The following CYP11B1 variants were observed in gnomAD, a reference collection of about 807,000 sequenced individuals.
CYP11B1 encodes cytochrome P450 family 11 subfamily B member 1.
Under a neutral mutation model 48.3 loss-of-function variants are expected in CYP11B1, and 34 were observed. The ratio of observed to expected loss-of-function variants is 0.70; its 90% CI spans 0.54 to 0.94. The LOEUF (loss-of-function observed/expected upper bound fraction) is 0.94. Among genes scored for constraint, CYP11B1 ranks in the 40% least tolerant of loss-of-function variants. The probability of loss-of-function intolerance (pLI) is 0.00; values close to 1 mark genes in which losing one functional copy is unlikely to be tolerated. For synonymous variants in CYP11B1, 291 were observed against 262.5 expected (o/e 1.11, Z -1.05); for missense variants, 688 against 657.4 (o/e 1.05, Z -0.51).
At chr8:142,879,249 A>T (rs61751137) in intron 1 of CYP11B1, 62 bp from the exon 2 acceptor site, 5 of 1,611,984 alleles carry the variant, frequency 3.1e-6, no homozygotes, top group Non-Finnish European at 3.4e-6. Context: ...CCCACCCTGC[A>T]GTCCCAATCC....
intron 3 of CYP11B1, 68 bp downstream of exon 3, chr8:142,876,955 C>T: frequency 6.2e-7 from 1 of 1,612,524 alleles, no homozygotes; most frequent in Middle Eastern, 1.7e-4. Flanking sequence ...ACACTCCCTT[C>T]AGTCCCCCAT....
chr8:142,875,182 G>T, intron 7 of CYP11B1, 28 bp from the exon 8 acceptor site: 3 of 1,614,224 alleles, frequency 1.9e-6, no homozygotes, highest in Non-Finnish European at 2.5e-6. Context: ...CGGGGATCAG[G>T]GAATGACTGG....
At chr8:142,875,370 T>C in intron 6 of CYP11B1, 58 bp from the exon 7 acceptor site, 1 of 1,526,158 alleles carries the variant, frequency 6.6e-7, no homozygotes, top group Non-Finnish European at 8.9e-7. Flanking sequence ...TCCTGTGCTC[T>C]CTGCACCCTT....
In CYP11B1 at chr8:142,876,349, G is replaced by A. The variant is rs759428193; in HGVS notation, c.846C>T (p.Arg282=). 5 of 1,614,078 alleles carry A rather than the reference G, an allele frequency of 3.1e-6. No homozygotes were observed. The East Asian group carries it at 1.1e-4, about 36-fold the overall frequency. ...QKIYQELAFS[R]PQQYTSIVAE... Reference sequence around the variant, plus strand: ...CCACGATGCTGGTGTACTGTTGAGGGCGGCTGAAGGCCAGTTCCTGATAGA... The same window carrying A: ...CCACGATGCTGGTGTACTGTTGAGGACGGCTGAAGGCCAGTTCCTGATAGA... The change falls in exon 5 of 9, where the codon CGC becomes CGT. Residue 282 remains arginine, a synonymous_variant. Coordinates refer to ENST00000292427, the MANE Select transcript of CYP11B1 (RefSeq NM_000497.4).
Position 142,874,180 on chromosome 8 carries a change from T to G in CYP11B1, c.*193A>C, listed in dbSNP as rs61752798. On this transcript the variant is annotated 3_prime_UTR_variant, in exon 9 of 9. Coordinates refer to ENST00000292427, the MANE Select transcript of CYP11B1 (RefSeq NM_000497.4). ...CAAGGTCAGCAAGATCTTCCCCAGC[T>G]GTGCCCTGGCATTGCTGCTTAGCCT... The G allele has an allele frequency of 6.3e-6, 4 of 630,712 alleles. No homozygotes were observed. Among genetic ancestry groups the G allele is most frequent in the Non-Finnish European group, 8.6e-6 (3 of 346,848 alleles). 39.1% of individuals were successfully genotyped at this position (630,712 alleles called of 1,614,324 possible).
At chr8:142,876,017 A>G (rs768121783) in intron 5 of CYP11B1, 139 bp from the exon 6 acceptor site, 5 of 1,205,880 alleles carry the variant, frequency 4.1e-6, no homozygotes, top group Non-Finnish European at 6.0e-6. Context: ...TTCAAATCCT[A>G]ATGCCCATCC....
At position 142,875,079 on chromosome 8, in the gene CYP11B1, G is replaced by A; in HGVS notation, c.1276C>T (p.Gln426Ter). The A allele has an allele frequency of 6.2e-7, 1 of 1,614,240 alleles. No individual in the cohort carries two copies. The highest frequency in any genetic ancestry group is 8.5e-7 in the Non-Finnish European group (1 of 1,180,042). ...LFPRPERYNP[Q>*]RWLDIRGSGR... ...GAGCCCCTGATGTCTAGCCAGCGCT[G>A]GGGGTTATAGCGCTCAGGCCTCGGG... The change falls in exon 8 of 9, where the codon CAG becomes TAG. Residue 426 changes from glutamine (Q) to a stop codon, truncating the protein, a stop_gained. Transcript: ENST00000292427. LOFTEE classifies it high-confidence loss of function.
In CYP11B1 at chr8:142,874,414, G is replaced by A. The variant is rs1816867832; in HGVS notation, c.1471C>T (p.Pro491Ser). The change falls in exon 9 of 9, where the codon CCC (proline) becomes TCC (serine). Residue 491 changes from proline to serine, a missense_variant. Pro to Ser is a moderately conservative substitution (Grantham distance 74, BLOSUM62 -1). Coordinates refer to ENST00000292427, the MANE Select transcript of CYP11B1 (RefSeq NM_000497.4). ...IKMVYSFILR[P>S]SMFPLLTFRA... Reference sequence around the variant, plus strand: ...AAGGTGAGGAGGGGGAACATGCTGGGCCTCAATATGAAGCTGTAGACCATC... The same window carrying A: ...AAGGTGAGGAGGGGGAACATGCTGGACCTCAATATGAAGCTGTAGACCATC... 6.2e-7 allele frequency: 1 copy of A among 1,613,900 alleles called. No individual in the cohort carries two copies. The highest frequency in any genetic ancestry group is 1.7e-5 in the Admixed American group (1 of 60,004).
intron 1 of CYP11B1, 52 bp from the exon 2 acceptor site, chr8:142,879,239 C>G (rs981761995): frequency 1.1e-5 from 17 of 1,612,680 alleles, no homozygotes; most frequent in Non-Finnish European, 1.4e-5. Flanking sequence ...CCCCGCTAGC[C>G]CCACCCTGCA....
At position 142,875,091 on chromosome 8, in the gene CYP11B1, G is replaced by T. The variant is rs769517888; in HGVS notation, c.1264C>A (p.Arg422Ser). 46 of 1,614,150 alleles carry T rather than the reference G, an allele frequency of 2.8e-5. No homozygotes were observed. Among genetic ancestry groups the T allele is most frequent in the Non-Finnish European group, 3.6e-5 (43 of 1,180,054 alleles). Reference protein sequence around the residue: ...RNPALFPRPERYNPQRWLDIR... With the variant: ...RNPALFPRPESYNPQRWLDIR... ...TCTAGCCAGCGCTGGGGGTTATAGC[G>T]CTCAGGCCTCGGGAACAAGGCGGGG... The change falls in exon 8 of 9, where the codon CGC becomes AGC. Residue 422 changes from arginine (R) to serine (S), a missense_variant. Arg to Ser is a moderately radical substitution (Grantham distance 110). Transcript: ENST00000292427.
chr8:142,875,901 G>A (rs1316714451), intron 5 of CYP11B1, 23 bp from the exon 6 acceptor site: 10 of 1,613,948 alleles, frequency 6.2e-6, no homozygotes, highest in Non-Finnish European at 8.5e-6. Flanking sequence ...CAGCTGCAGG[G>A]TCAGACCTTG....
In CYP11B1 at chr8:142,877,858, A is replaced by G. The variant is rs1258942179; in HGVS notation, c.396-636T>C. On this transcript the variant is annotated intron_variant, in intron 2 of 8. Coordinates refer to ENST00000292427, the MANE Select transcript of CYP11B1 (RefSeq NM_000497.4). Reference sequence around the variant, plus strand: ...TTCTGCAAAACTCAAAGCTTTATTTATGTCCAGCTGGCTGTTGTGAGCTGT... The same window carrying G: ...TTCTGCAAAACTCAAAGCTTTATTTGTGTCCAGCTGGCTGTTGTGAGCTGT... 3 of 1,580,472 alleles carry G rather than the reference A, an allele frequency of 1.9e-6. No homozygotes were observed. The East Asian group carries it at 6.7e-5, about 35-fold the overall frequency.
rs755536549 is a variant in CYP11B1 at position 142,875,076 on chromosome 8, G to T, written c.1279C>A (p.Arg427Ser). 2 of 1,614,152 alleles carry T rather than the reference G, an allele frequency of 1.2e-6. No homozygotes were observed. The highest frequency in any genetic ancestry group is 1.7e-5 in the Admixed American group (1 of 60,014). The change falls in exon 8 of 9, where the codon CGC (arginine) becomes AGC (serine). Residue 427 changes from arginine to serine, a missense_variant. Transcript: ENST00000292427. ...FPRPERYNPQRWLDIRGSGRN... is the reference protein window; with the variant it reads ...FPRPERYNPQSWLDIRGSGRN... ...CCGGAGCCCCTGATGTCTAGCCAGC[G>T]CTGGGGGTTATAGCGCTCAGGCCTC...
At chr8:142,874,582 A>G in intron 8 of CYP11B1, 96 bp from the exon 9 acceptor site, 6 of 875,188 alleles carry the variant, frequency 6.9e-6, no homozygotes, top group Non-Finnish European at 1.2e-5. Context: ...ATTATGCTGA[A>G]GGGGGAACAG....
chr8:142,874,512 T>G, intron 8 of CYP11B1, 26 bp from the exon 9 acceptor site: 1 of 1,531,856 alleles, frequency 6.5e-7, no homozygotes, highest in South Asian at 1.1e-5. Context: ...GGTTTCCATC[T>G]GGCTTGGTCC....
chr8:142,877,923 C>G (rs1817011601), intron 2 of CYP11B1: 1 of 1,087,456 alleles, frequency 9.2e-7, no homozygotes, highest in Non-Finnish European at 1.3e-6. Context: ...TGCTCACATG[C>G]GCCCATGCAA....
intron 4 of CYP11B1, 60 bp downstream of exon 4, chr8:142,876,622 G>C: frequency 6.4e-7 from 1 of 1,571,958 alleles, no homozygotes; most frequent in Non-Finnish European, 8.6e-7. Flanking sequence ...GGTGGAGAGG[G>C]AGAAATTGGG....
Sources: gnomAD v4.1 joint callset for allele counts on GRCh38, gnomAD v4.1.1 for gene constraint, MANE v1.5 for transcripts, NCBI Gene and HGNC (gene_info 2026-07-23, HGNC 2026-07-21) for gene names.